The following KLHL5 variants were observed in gnomAD, a reference collection of about 807,000 sequenced individuals.
The protein encoded by KLHL5 is kelch like family member 5.
Under a neutral mutation model 77.7 loss-of-function variants are expected in KLHL5, and 48 were observed. That is an observed-to-expected ratio of 0.62 (90% CI 0.49 to 0.79). The LOEUF is 0.79. Ranked by LOEUF, KLHL5 falls within the 30% of genes least tolerant of loss-of-function variation. The pLI is 0.00. For missense variants in KLHL5, 723 were observed against 859.7 expected (o/e 0.84, Z 1.99); for synonymous variants, 260 against 297.0 (o/e 0.88, Z 1.28).
At chr4:39,132,557 G>A in the KLHL5 span, among the ~76,000 whole-genome samples, 7 of 151,722 alleles carry the variant, frequency 4.6e-5, no homozygotes, top group Non-Finnish European at 8.8e-5. Context: ...GCAGTAAGCC[G>A]AGATCACCGC....
intron 5 of KLHL5, among the ~76,000 whole-genome samples, chr4:39,096,364 G>C (rs1415706113): frequency 6.6e-6 from 1 of 151,930 alleles, no homozygotes; most frequent in African/African-American, 2.4e-5. Context: ...GATTTTAATA[G>C]TAAAATTATT....
chr4:39,045,284 G>A (rs1373231366), intron 1 of KLHL5, among the ~76,000 whole-genome samples: 2 of 150,246 alleles, frequency 1.3e-5, no homozygotes, highest in Non-Finnish European at 3.0e-5. Context: ...GGGGGCCTCC[G>A]CACACCGCGC....
At chr4:39,132,653 A>T in the KLHL5 span, among the ~76,000 whole-genome samples, 1 of 152,054 alleles carries the variant, frequency 6.6e-6, no homozygotes, top group Non-Finnish European at 1.5e-5. Flanking sequence ...AGGCCTTGAT[A>T]TTTTCATTGT....
chr4:39,045,662 T>G (rs900682206), intron 1 of KLHL5, among the ~76,000 whole-genome samples: 1 of 152,118 alleles, frequency 6.6e-6, no homozygotes, highest in Admixed American at 6.5e-5. Context: ...TTTCAGTGCA[T>G]GCTCTGGGAT....
intron 1 of KLHL5, among the ~76,000 whole-genome samples, chr4:39,067,416 A>G (rs1454085698): frequency 6.7e-6 from 1 of 150,312 alleles, no homozygotes; most frequent in Admixed American, 6.7e-5. Flanking sequence ...CACTGTTGGT[A>G]GTGACCTTGA....
At chr4:39,129,690 A>T (rs1723724851), downstream of KLHL5, among the ~76,000 whole-genome samples, 1 of 152,162 alleles carries the variant, frequency 6.6e-6, no homozygotes, top group African/African-American at 2.4e-5. The surrounding 1 kb of genome is among the most constrained non-coding windows in gnomAD (Gnocchi z 4.2). Context: ...TCCAGTGTCT[A>T]TTGTTCCATC....
intron 6 of KLHL5, among the ~76,000 whole-genome samples, chr4:39,102,487 CG>C (rs1390189031): frequency 5.1e-5 from 7 of 138,174 alleles, no homozygotes; most frequent in African/African-American, 1.9e-4. Flanking sequence ...GTACTTACCC[CG>C]CCCTTGCTTA....
intron 2 of KLHL5, among the ~76,000 whole-genome samples, chr4:39,080,797 A>G (rs1425034194): frequency 6.6e-6 from 1 of 152,206 alleles, no homozygotes; most frequent in Non-Finnish European, 1.5e-5. Context: ...ATGATAAACA[A>G]TAACTTTTAA....
At chr4:39,093,341 T>C in intron 5 of KLHL5, 1 of 452,320 alleles carries the variant, frequency 2.2e-6, no homozygotes, top group Non-Finnish European at 4.4e-6. Context: ...GGAGAGAAGA[T>C]GGGAATGAGG....
intron 1 of KLHL5, chr4:39,063,715 G>A (rs1377804631): frequency 4.9e-6 from 1 of 205,482 alleles, no homozygotes; most frequent in Non-Finnish European, 1.1e-5. Flanking sequence ...GGAATGTAGA[G>A]GGGCTAGATG....
intron 5 of KLHL5, among the ~76,000 whole-genome samples, 177 bp downstream of exon 5, chr4:39,086,904 C>CCTTT (rs1553890723): frequency 1.3e-5 from 1 of 78,346 alleles, no homozygotes; most frequent in Non-Finnish European, 2.3e-5. Context: ...AAGTAACATT[C>CCTTT]TTTTTTTTTT....
In KLHL5 at chr4:39,076,786, CTGT is replaced by C. The variant is rs535050118; in HGVS notation, c.566+640_566+642del. 1.3e-3 allele frequency among the ~76,000 whole-genome samples: 179 copies of C among 142,678 alleles called. 1 individual carries two copies. The highest frequency in any genetic ancestry group is 4.4e-3 in the African/African-American group (170 of 38,392). The allele number at this position is 142,678 out of a possible 152,430, so 93.6% of individuals were successfully genotyped here. Reference sequence around the variant, plus strand: ...GGATGCCCATCAAAACTAATTGACACTGTGTCCCAAAGGTTTTTTTTAAAAACC... The same window carrying C: ...GGATGCCCATCAAAACTAATTGACACGTCCCAAAGGTTTTTTTTAAAAACC... On this transcript the variant is annotated intron_variant, in intron 2 of 10. Transcript: ENST00000504108.
upstream of KLHL5, among the ~76,000 whole-genome samples, chr4:39,058,110 A>T (rs555927642): frequency 2.0e-5 from 3 of 152,172 alleles, no homozygotes; most frequent in Non-Finnish European, 4.4e-5. Flanking sequence ...TATTTTAAAT[A>T]ATACGTGAGC....
rs1723523594 is a variant in KLHL5 at position 39,126,064 on chromosome 4, G to A, written c.*4998G>A. Reference sequence around the variant, plus strand: ...GTGAGAAACAACGAGAACCATGAGGGGAGAGTTAACGGGGAACTTCCCCAC... The same window carrying A: ...GTGAGAAACAACGAGAACCATGAGGAGAGAGTTAACGGGGAACTTCCCCAC... On this transcript the variant is annotated 3_prime_UTR_variant, in exon 11 of 11. Coordinates refer to ENST00000504108, the MANE Select transcript of KLHL5 (RefSeq NM_015990.5). Among the ~76,000 whole-genome samples, 1 of 152,052 alleles carries A rather than the reference G, an allele frequency of 6.6e-6. No homozygotes were observed. Among genetic ancestry groups the A allele is most frequent in the Non-Finnish European group, 1.5e-5 (1 of 68,004 alleles).
chr4:39,070,863 C>A (rs185397905), intron 1 of KLHL5, among the ~76,000 whole-genome samples: 1 of 106,388 alleles, frequency 9.4e-6, no homozygotes, highest in South Asian at 3.4e-4. Context: ...TCTTCTTCCT[C>A]ACCCATATAA....
intron 2 of KLHL5, among the ~76,000 whole-genome samples, chr4:39,078,785 A>G (rs562667580): frequency 2.0e-5 from 3 of 152,274 alleles, no homozygotes; most frequent in South Asian, 4.1e-4. Context: ...AAGACTACAC[A>G]TTGGGTACAG....
At chr4:39,115,813 G>A (rs906262804) in intron 10 of KLHL5, 1 of 1,021,414 alleles carries the variant, frequency 9.8e-7, no homozygotes, top group Non-Finnish European at 1.2e-6. Flanking sequence ...ACCTGATCTG[G>A]CAGTCTTACT....
At chr4:39,047,400 A>G (rs1296123367) in intron 1 of KLHL5, among the ~76,000 whole-genome samples, 1 of 152,240 alleles carries the variant, frequency 6.6e-6, no homozygotes, top group Non-Finnish European at 1.5e-5. Context: ...CCTGGGCAAC[A>G]GAGTGAGACT....
chr4:39,115,492 T>G, intron 10 of KLHL5, 162 bp downstream of exon 10: 1 of 1,495,886 alleles, frequency 6.7e-7, no homozygotes, highest in Admixed American at 2.5e-5. Flanking sequence ...TGTTTAATTT[T>G]ATAACATAAT....
Sources: allele counts gnomAD v4.1 joint callset (sites outside exome capture counted in the v4.1 genomes callset), GRCh38; gene constraint gnomAD v4.1.1; non-coding constraint Gnocchi (gnomAD v3.1); transcripts MANE v1.5; gene names NCBI Gene and HGNC (gene_info 2026-07-23, HGNC 2026-07-21).